GEMIN2: variants seen among roughly 807,000 people sequenced by gnomAD.
The protein encoded by GEMIN2 is gem-associated protein 2.
In GEMIN2, 37 loss-of-function variants were observed where a neutral mutation model predicts 45.8. That is an observed-to-expected ratio of 0.81 (90% confidence interval 0.62 to 1.06). The LOEUF (loss-of-function observed/expected upper bound fraction) is 1.06, where lower values mean the gene tolerates loss of function less well. GEMIN2 is among the 50% of genes least tolerant of loss of function. The pLI is 0.00. For missense variants in GEMIN2, 335 were observed against 321.8 expected (o/e 1.04, Z -0.31); for synonymous variants, 101 against 111.5 (o/e 0.91, Z 0.60).
intron 6 of GEMIN2, among the ~76,000 whole-genome samples, chr14:39,126,289 C>T (rs2052640483): frequency 6.6e-6 from 1 of 151,268 alleles, no homozygotes; most frequent in Non-Finnish European, 1.5e-5. Context: ...AGGCAATCCT[C>T]CCACCTCAGC....
intron 7 of GEMIN2, 143 bp downstream of exon 7, chr14:39,128,491 T>TTC (rs1291060722): frequency 2.2e-6 from 1 of 444,970 alleles, no homozygotes; most frequent in Non-Finnish European, 3.8e-6. Context: ...TTTTCTTTTT[T>TTC]TTTTTTTTTT....
intron 2 of GEMIN2, among the ~76,000 whole-genome samples, chr14:39,117,265 C>T (rs1418967482): frequency 3.7e-5 from 3 of 82,018 alleles, no homozygotes; most frequent in Admixed American, 2.9e-4. Context: ...AGCGAAACTC[C>T]GTCTCAAAAA....
At chr14:39,132,359 C>A (rs572195693) in intron 8 of GEMIN2, among the ~76,000 whole-genome samples, 1 of 152,018 alleles carries the variant, frequency 6.6e-6, no homozygotes, top group Admixed American at 6.6e-5. Flanking sequence ...GGTGAAACCC[C>A]GTCTCTACTA....
chr14:39,132,975 G>GGTGTGTGTGT, intron 8 of GEMIN2, among the ~76,000 whole-genome samples: 1 of 140,284 alleles, frequency 7.1e-6, no homozygotes, highest in African/African-American at 2.7e-5. Context: ...TACTGCACCT[G>GGTGTGTGTGT]GTGTGTGTGT....
At chr14:39,131,842 T>G in intron 7 of GEMIN2, 116 bp from the exon 8 acceptor site, 1 of 613,692 alleles carries the variant, frequency 1.6e-6, no homozygotes, top group South Asian at 2.0e-5. Context: ...CATAATATAG[T>G]TAAATGTTCT....
chr14:39,120,819 G>A (rs2052564764), intron 4 of GEMIN2, among the ~76,000 whole-genome samples: 1 of 152,044 alleles, frequency 6.6e-6, no homozygotes, highest in South Asian at 2.1e-4. Flanking sequence ...GTAGAGACGG[G>A]GTTTCACCAT....
intron 4 of GEMIN2, among the ~76,000 whole-genome samples, chr14:39,120,063 A>G (rs1337929922): frequency 6.6e-6 from 1 of 152,132 alleles, no homozygotes; most frequent in Non-Finnish European, 1.5e-5. Flanking sequence ...CCCACTAACT[A>G]AAAAAGAAGC....
At chr14:39,130,452 A>C (rs2052701858) in intron 7 of GEMIN2, among the ~76,000 whole-genome samples, 2 of 152,190 alleles carry the variant, frequency 1.3e-5, no homozygotes, top group Non-Finnish European at 2.9e-5. Context: ...CATATCTGAA[A>C]AACCTTGATG....
chr14:39,114,575 G>C (rs1422347433), intron 1 of GEMIN2, 100 bp downstream of exon 1: 9 of 871,452 alleles, frequency 1.0e-5, no homozygotes, highest in Non-Finnish European at 1.6e-5. Flanking sequence ...GCGAGTTCAG[G>C]TCTATTCAGG....
Position 39,136,469 on chromosome 14 carries a change from A to G in GEMIN2, c.800A>G (p.Glu267Gly). 1 of 1,593,886 alleles carries G rather than the reference A, an allele frequency of 6.3e-7. No individual in the cohort carries two copies. The highest frequency in any genetic ancestry group is 8.6e-7 in the Non-Finnish European group (1 of 1,162,828). The stretch of plus-strand genomic sequence containing the variant: ...TTTGACCAACGTGATTTAGCTGATG[A>G]GCCATCTTGATGTAGCTGATCTCTC... ...RYFDQRDLAD[E>G]PS is the part of the protein sequence containing the mutation. The change falls in exon 10 of 10, where the codon GAG becomes GGG. Residue 267 changes from glutamate to glycine, a missense_variant. By Grantham distance (98) the Glu-to-Gly change is moderately conservative. Coordinates refer to ENST00000308317, the MANE Select transcript of GEMIN2 (RefSeq NM_003616.3).
intron 4 of GEMIN2, 147 bp downstream of exon 4, chr14:39,118,746 T>A (rs376493836): frequency 2.2e-6 from 1 of 461,594 alleles, no homozygotes. Context: ...ATTCATTACA[T>A]TAGTAGCCTG....
Position 39,133,645 on chromosome 14 carries a change from CTTTTT to C in GEMIN2, c.712-7_712-3del. On this transcript the variant is annotated splice_polypyrimidine_tract_variant and intron_variant, in intron 8 of 9. Coordinates refer to ENST00000308317, the MANE Select transcript of GEMIN2 (RefSeq NM_003616.3). Reference sequence around the variant, plus strand: ...AGGAACAGACAATATTTAAATTTTTCTTTTTTTTTTTTTAGGATAGCAAAGATGAT... The same window carrying C: ...AGGAACAGACAATATTTAAATTTTTCTTTTTTTTAGGATAGCAAAGATGAT... The C allele has an allele frequency of 5.2e-6, 6 of 1,150,610 alleles. No homozygotes were observed. The highest frequency in any genetic ancestry group is 2.5e-5 in the Admixed American group (1 of 39,432). 71.3% of individuals were successfully genotyped at this position (1,150,610 alleles called of 1,614,324 possible). A position where few individuals can be genotyped will look rare whatever the true frequency, so the allele number is the denominator to read the frequency against.
Position 39,123,885 on chromosome 14 carries a change from TA to T in GEMIN2, c.487-1105del, listed in dbSNP as rs1426495102. On this transcript the variant is annotated intron_variant, in intron 5 of 9. Coordinates refer to ENST00000308317, the MANE Select transcript of GEMIN2 (RefSeq NM_003616.3). ...GCAGGCACCCACCACCACACCCAGC[TA>T]ATTTTTAAATTTTTTGTAGCGATAA... Among the ~76,000 whole-genome samples the T allele has an allele frequency of 4.7e-5, 7 of 150,428 alleles. No individual in the cohort carries two copies. In the Admixed American group the frequency reaches 4.7e-4, roughly 10 times the overall value.
At chr14:39,123,992 C>T (rs1026131987) in intron 5 of GEMIN2, among the ~76,000 whole-genome samples, 1 of 147,526 alleles carries the variant, frequency 6.8e-6, no homozygotes, top group African/African-American at 2.5e-5. Flanking sequence ...CTCCTGGGCT[C>T]AGGCAATCCT....
chr14:39,116,073 T>C (rs34069361), intron 2 of GEMIN2, among the ~76,000 whole-genome samples: 7,154 of 152,142 alleles, frequency 0.047, 245 homozygotes, highest in Middle Eastern at 0.082. Flanking sequence ...TCTCAATTTT[T>C]CGCCCAGGCT....
At chr14:39,128,626 G>GACTACAGGCGC (rs1476346657) in intron 7 of GEMIN2, among the ~76,000 whole-genome samples, 2 of 151,038 alleles carry the variant, frequency 1.3e-5, no homozygotes, top group Non-Finnish European at 2.9e-5. Flanking sequence ...GAGTAGCTGG[G>GACTACAGGCGC]ACTACAGGCG....
At position 39,124,994 on chromosome 14, in the gene GEMIN2, T is replaced by A; in HGVS notation, c.489T>A (p.Ile163=). The A allele has an allele frequency of 6.8e-7, 1 of 1,473,200 alleles. No homozygotes were observed. 91.3% of individuals were successfully genotyped at this position (1,473,200 alleles called of 1,614,324 possible). A position where few individuals can be genotyped will look rare whatever the true frequency, so the allele number is the denominator to read the frequency against. ...NESPGIDYVQ[I]GFPPLLSIVS... ...TTCAGTCTCATTTTTTCTTTCAGAT[T>A]GGTTTTCCTCCCTTGCTTAGTATTG... Residue 163 remains isoleucine, a splice_region_variant and synonymous_variant, in exon 6 of 10, where the codon ATT becomes ATA. Coordinates refer to ENST00000308317, the MANE Select transcript of GEMIN2 (RefSeq NM_003616.3).
At chr14:39,132,650 G>C (rs1594521028) in intron 8 of GEMIN2, among the ~76,000 whole-genome samples, 1 of 145,918 alleles carries the variant, frequency 6.9e-6, no homozygotes, top group East Asian at 2.0e-4. Flanking sequence ...CAAGATGGCT[G>C]CTGTAGCTTC....
intron 2 of GEMIN2, among the ~76,000 whole-genome samples, chr14:39,116,047 C>T (rs770623820): frequency 1.7e-4 from 26 of 151,860 alleles, no homozygotes; most frequent in Non-Finnish European, 3.1e-4. Context: ...CTCTTTTTCC[C>T]CCTTTTTTTT....
Sources: allele counts gnomAD v4.1 joint callset (sites outside exome capture counted in the v4.1 genomes callset), GRCh38; gene constraint gnomAD v4.1.1; transcripts MANE v1.5; gene names NCBI Gene and HGNC (gene_info 2026-07-23, HGNC 2026-07-21).